Variants in STK3 observed in about 807,000 individuals in gnomAD.
STK3 encodes serine/threonine-protein kinase 3.
STK3 carries 41 observed loss-of-function variants against 58.0 expected under a neutral mutation model. That is an observed-to-expected ratio of 0.71 (90% CI 0.55 to 0.92). The LOEUF is 0.92. STK3 is among the 40% of genes least tolerant of loss of function. The probability of loss-of-function intolerance (pLI) is 0.00; values close to 1 mark genes in which losing one functional copy is unlikely to be tolerated. For missense variants in STK3, 479 were observed against 602.7 expected (o/e 0.79, Z 2.15); for synonymous variants, 170 against 191.0 (o/e 0.89, Z 0.91).
chr8:98,579,019 T>C (rs1296542708), intron 8 of STK3, among the ~76,000 whole-genome samples: 5 of 151,936 alleles, frequency 3.3e-5, no homozygotes, highest in African/African-American at 9.7e-5. Context: ...GGCATGGTAG[T>C]GTGCGCCTGT....
the STK3 span, among the ~76,000 whole-genome samples, chr8:98,360,680 C>A: frequency 2.6e-5 from 4 of 152,192 alleles, no homozygotes; most frequent in African/African-American, 9.7e-5. Flanking sequence ...CTCTCACTCA[C>A]AGACACTTTC....
chr8:98,916,369 A>G (rs924324172), intron 1 of STK3, among the ~76,000 whole-genome samples: 1 of 152,190 alleles, frequency 6.6e-6, no homozygotes, highest in African/African-American at 2.4e-5. Flanking sequence ...AGCTGAGATC[A>G]CGCCACTGCA....
At position 98,774,725 on chromosome 8, in the gene STK3, CT is replaced by C. The variant is rs780662266; in HGVS notation, c.107+13del. 10 of 1,544,120 alleles carry C rather than the reference CT, an allele frequency of 6.5e-6. No individual in the cohort carries two copies. Among genetic ancestry groups the C allele is most frequent in the Non-Finnish European group, 8.7e-6 (10 of 1,144,564 alleles). Reference sequence around the variant, plus strand: ...CTGAAATTATTTACATGCTTTCATACTTTTTGTACTTACCCTTCTCCAAGCT... The same window carrying C: ...CTGAAATTATTTACATGCTTTCATACTTTTGTACTTACCCTTCTCCAAGCT... On this transcript the variant is annotated intron_variant, in intron 2 of 10. Coordinates refer to ENST00000419617, the MANE Select transcript of STK3 (RefSeq NM_006281.4).
At chr8:98,576,894 A>AT (rs1159173192) in intron 8 of STK3, among the ~76,000 whole-genome samples, 1 of 151,962 alleles carries the variant, frequency 6.6e-6, no homozygotes, top group Non-Finnish European at 1.5e-5. Context: ...GAAAACTACA[A>AT]TTTTTTTTCA....
At chr8:98,524,353 T>C (rs937524426) in intron 10 of STK3, among the ~76,000 whole-genome samples, 2 of 152,216 alleles carry the variant, frequency 1.3e-5, no homozygotes, top group African/African-American at 4.8e-5. Context: ...AGAATCCATA[T>C]GAATTTTAGG....
At chr8:98,423,862 C>T (rs970818431) in intron 3 of STK3, among the ~76,000 whole-genome samples, 3 of 152,192 alleles carry the variant, frequency 2.0e-5, no homozygotes, top group Non-Finnish European at 4.4e-5. Context: ...AACAGTCGGC[C>T]AGGTGCAAGG....
chr8:98,587,761 G>C (rs1469367087), intron 7 of STK3, among the ~76,000 whole-genome samples: 1 of 152,102 alleles, frequency 6.6e-6, no homozygotes, highest in African/African-American at 2.4e-5. Flanking sequence ...CTAAGGACTT[G>C]CTTTATGAAT....
chr8:98,390,762 T>C (rs976523065), upstream of STK3, among the ~76,000 whole-genome samples: 4 of 152,304 alleles, frequency 2.6e-5, no homozygotes, highest in East Asian at 1.9e-4. Flanking sequence ...GATTAGGTCA[T>C]GGTTATTTAT....
chr8:98,373,351 G>T (rs548630867), intron 2 of STK3, among the ~76,000 whole-genome samples: 58 of 152,150 alleles, frequency 3.8e-4, no homozygotes, highest in African/African-American at 1.3e-3. Context: ...TCCTCCCACC[G>T]TGGGCAGAGT....
chr8:98,545,137 A>G (rs1327351262), intron 9 of STK3, among the ~76,000 whole-genome samples: 2 of 152,222 alleles, frequency 1.3e-5, no homozygotes, highest in African/African-American at 4.8e-5. Context: ...CTCCAGGATA[A>G]TAAATCCTAA....
At chr8:98,888,105 G>C (rs76466693) in intron 1 of STK3, among the ~76,000 whole-genome samples, 1 of 152,110 alleles carries the variant, frequency 6.6e-6, no homozygotes, top group Non-Finnish European at 1.5e-5. Flanking sequence ...AATCACTTGA[G>C]GTCAGGAGAT....
intron 4 of STK3, among the ~76,000 whole-genome samples, chr8:98,711,409 C>T (rs1166546409): frequency 6.6e-6 from 1 of 152,014 alleles, no homozygotes; most frequent in African/African-American, 2.4e-5. Flanking sequence ...AAATGGCTAA[C>T]TAGAATAACC....
chr8:98,360,549 C>CAACA, the STK3 span, among the ~76,000 whole-genome samples: 1 of 151,980 alleles, frequency 6.6e-6, no homozygotes, highest in African/African-American at 2.4e-5. Context: ...CCCAAGCCCC[C>CAACA]AACAAACAGT....
At chr8:98,905,536 T>C in intron 1 of STK3, 1 of 1,047,826 alleles carries the variant, frequency 9.5e-7, no homozygotes, top group Non-Finnish European at 1.5e-6. Flanking sequence ...TCAGCCGCCG[T>C]CTTGTCTTCT....
intron 10 of STK3, among the ~76,000 whole-genome samples, chr8:98,461,826 T>C (rs1820004091): frequency 6.6e-6 from 1 of 152,240 alleles, no homozygotes; most frequent in South Asian, 2.1e-4. Flanking sequence ...CCTTCTGGCT[T>C]GTAAGGTTTG....
At chr8:98,687,249 G>A (rs564175662) in intron 6 of STK3, among the ~76,000 whole-genome samples, 32 of 152,316 alleles carry the variant, frequency 2.1e-4, no homozygotes, top group African/African-American at 5.8e-4. Context: ...TTTCGTGGAC[G>A]ACAAGTTTTC....
At chr8:98,836,390 G>A (rs1420091607) in intron 3 of STK3, among the ~76,000 whole-genome samples, 1 of 152,098 alleles carries the variant, frequency 6.6e-6, no homozygotes, top group African/African-American at 2.4e-5. Context: ...CTTTTGTAAG[G>A]GACAAATTCC....
chr8:98,497,875 A>C (rs1362768350), intron 10 of STK3, among the ~76,000 whole-genome samples: 1 of 152,160 alleles, frequency 6.6e-6, no homozygotes, highest in Non-Finnish European at 1.5e-5. Flanking sequence ...CACTTTGAAA[A>C]ACAACCTGAC....
chr8:98,851,126 TC>T (rs1447731162), intron 3 of STK3, among the ~76,000 whole-genome samples: 8 of 152,098 alleles, frequency 5.3e-5, no homozygotes, highest in African/African-American at 1.9e-4. Flanking sequence ...ATGTCACATC[TC>T]AAAGAGGCCT....
Sources: gnomAD v4.1 joint callset for allele counts (sites outside exome capture counted in the v4.1 genomes callset) on GRCh38, gnomAD v4.1.1 for gene constraint, MANE v1.5 for transcripts, NCBI Gene and HGNC (gene_info 2026-07-23, HGNC 2026-07-21) for gene names.